Variants in PCDH15 observed in about 807,000 individuals in gnomAD.
PCDH15 encodes the protein protocadherin-15.
PCDH15 carries 129 observed loss-of-function variants against 178.5 expected under a neutral mutation model. That is an observed-to-expected ratio of 0.72 (90% CI 0.63 to 0.84). The LOEUF is 0.84. PCDH15 is among the 40% of genes least tolerant of loss of function. PCDH15 has a pLI of 0.00. For missense variants in PCDH15, 2,230 were observed against 2,099.9 expected, an observed-to-expected ratio of 1.06 and a Z score of -1.21; for synonymous variants, 800 against 732.0, an observed-to-expected ratio of 1.09 and a Z score of -1.50.
chr10:54,824,995 G>T (rs1172334515), intron 3 of PCDH15, among the ~76,000 whole-genome samples: 1 of 151,924 alleles, frequency 6.6e-6, no homozygotes, highest in Non-Finnish European at 1.5e-5. Flanking sequence ...TTAGCATTAG[G>T]TATATCTCCC....
At chr10:55,160,871 T>A (rs1185768092) in intron 2 of PCDH15, among the ~76,000 whole-genome samples, 2 of 152,138 alleles carry the variant, frequency 1.3e-5, no homozygotes, top group Non-Finnish European at 2.9e-5. Context: ...ATATCTCTTA[T>A]TTAAAGCCTT....
upstream of PCDH15, among the ~76,000 whole-genome samples, chr10:55,323,332 G>C (rs1189933196): frequency 6.6e-6 from 1 of 152,196 alleles, no homozygotes; most frequent in East Asian, 1.9e-4. Flanking sequence ...CTGCCTAGTG[G>C]AGCTGTGAGA....
At chr10:55,622,585 A>G (rs969059269) in intron 2 of PCDH15, among the ~76,000 whole-genome samples, 6 of 152,160 alleles carry the variant, frequency 3.9e-5, no homozygotes, top group Non-Finnish European at 8.8e-5. Flanking sequence ...TTTTCATAAA[A>G]TGTAAGATAT....
At chr10:54,349,492 T>C (rs1016341986) in intron 5 of PCDH15, among the ~76,000 whole-genome samples, 11 of 152,208 alleles carry the variant, frequency 7.2e-5, no homozygotes, top group Non-Finnish European at 2.9e-5. Flanking sequence ...TCAATGTTTT[T>C]CTCTAGCTCT....
intron 2 of PCDH15, chr10:55,468,976 G>A (rs949023266): frequency 4.6e-5 from 7 of 152,090 alleles, no homozygotes; most frequent in South Asian, 2.1e-4. Context: ...TCAACTATGG[G>A]CTGTTAAAAC....
chr10:53,889,512 C>T (rs1445424715), intron 26 of PCDH15, among the ~76,000 whole-genome samples: 1 of 151,520 alleles, frequency 6.6e-6, no homozygotes, highest in Non-Finnish European at 1.5e-5. Flanking sequence ...GCACAAGAAA[C>T]CATCACATGT....
At chr10:54,166,177 G>C (rs535155800) in intron 13 of PCDH15, among the ~76,000 whole-genome samples, 1 of 152,036 alleles carries the variant, frequency 6.6e-6, no homozygotes, top group Non-Finnish European at 1.5e-5. Flanking sequence ...ATCTTCACTT[G>C]CCTATCTGAG....
At chr10:53,878,788 T>A (rs1900424) in intron 26 of PCDH15, among the ~76,000 whole-genome samples, 96,709 of 151,816 alleles carry the variant, frequency 0.64, 31,516 homozygotes, top group Middle Eastern at 0.78. Flanking sequence ...AATATTTGGC[T>A]TAAATGTCTA....
At chr10:54,020,498 G>T in intron 19 of PCDH15, 82 bp from the exon 20 acceptor site, 1 of 1,269,374 alleles carries the variant, frequency 7.9e-7, no homozygotes, top group Non-Finnish European at 1.1e-6. Context: ...ATGCGTTAGT[G>T]CCTAGGACAG....
In PCDH15 at chr10:54,146,934, A is replaced by AGTGT. The variant is rs1564530417; in HGVS notation, c.1784+6165_1784+6166insACAC. Among the ~76,000 whole-genome samples, 312 of 83,142 alleles carry AGTGT rather than the reference A, an allele frequency of 3.8e-3. 4 individuals carry two copies. Among genetic ancestry groups the AGTGT allele is most frequent in the East Asian group, 0.016 (4 of 256 alleles). 54.5% of individuals were successfully genotyped at this position (83,142 alleles called of 152,430 possible). ...GTATATATATAGTGTATATATATAT[A>AGTGT]ATGTATATATATAGTGTATATATAT... On this transcript the variant is annotated intron_variant, in intron 14 of 37. Coordinates refer to ENST00000644397, the MANE Select transcript of PCDH15 (RefSeq NM_001384140.1).
chr10:55,509,159 G>T (rs374234647), intron 2 of PCDH15, among the ~76,000 whole-genome samples: 9 of 151,604 alleles, frequency 5.9e-5, no homozygotes, highest in African/African-American at 2.2e-4. Flanking sequence ...ACATCCAAAC[G>T]TCTGGGCTGA....
chr10:53,874,126 A>G (rs1337039423), intron 26 of PCDH15, among the ~76,000 whole-genome samples: 2 of 152,040 alleles, frequency 1.3e-5, no homozygotes, highest in Non-Finnish European at 2.9e-5. Context: ...TTTCATTTAG[A>G]ATTTTTTTGT....
intron 14 of PCDH15, among the ~76,000 whole-genome samples, chr10:54,150,726 G>A (rs896998335): frequency 4.6e-5 from 7 of 151,624 alleles, no homozygotes; most frequent in Non-Finnish European, 8.8e-5. Context: ...ATACATTCAT[G>A]TCTGATATTA....
chr10:54,690,025 GTA>G (rs765694305), intron 1 of PCDH15, among the ~76,000 whole-genome samples: 1 of 152,156 alleles, frequency 6.6e-6, no homozygotes, highest in Non-Finnish European at 1.5e-5. Flanking sequence ...TCAAGAAATT[GTA>G]TAGTCATGTG....
At chr10:54,987,107 C>T (rs1270360550) in intron 2 of PCDH15, among the ~76,000 whole-genome samples, 1 of 151,940 alleles carries the variant, frequency 6.6e-6, no homozygotes, top group East Asian at 1.9e-4. Context: ...TGAGTGAGAA[C>T]ATGTGGTGTT....
rs74971622 is a variant in PCDH15, at chr10:55,041,805, C to T, written c.-80+124771G>A. The stretch of plus-strand genomic sequence containing the variant: ...TTAGAAATAAACTTTTTTAGAAAAC[C>T]AGATTTTATCATTTTTCTTTTTTTA... On this transcript the variant is annotated intron_variant, in intron 2 of 5. Transcript: ENST00000458638. Among the ~76,000 whole-genome samples the T allele has an allele frequency of 7.2e-5, 11 of 152,136 alleles. No homozygotes were observed. In the East Asian group the frequency reaches 2.1e-3, roughly 29 times the overall value.
At chr10:53,904,094 T>A (rs1283435697) in intron 25 of PCDH15, among the ~76,000 whole-genome samples, 3 of 152,142 alleles carry the variant, frequency 2.0e-5, no homozygotes, top group Non-Finnish European at 4.4e-5. Context: ...TAATGAGAAA[T>A]GTGGTACTTG....
intron 2 of PCDH15, among the ~76,000 whole-genome samples, chr10:55,478,151 A>T (rs1364923232): frequency 1.3e-5 from 2 of 151,832 alleles, no homozygotes; most frequent in Non-Finnish European, 2.9e-5. Context: ...TCCAATATTG[A>T]TGCACCTAAA....
chr10:54,255,636 C>G (rs1564800438), intron 8 of PCDH15, among the ~76,000 whole-genome samples: 1 of 152,062 alleles, frequency 6.6e-6, no homozygotes, highest in Non-Finnish European at 1.5e-5. Flanking sequence ...CTGAACTTAT[C>G]TAACTGGTAG....
Sources: gnomAD v4.1 joint callset for allele counts (sites outside exome capture counted in the v4.1 genomes callset) on GRCh38, gnomAD v4.1.1 for gene constraint, MANE v1.5 for transcripts, NCBI Gene and HGNC (gene_info 2026-07-23, HGNC 2026-07-21) for gene names.